The following ZNF20 variants were observed in gnomAD, a reference collection of about 807,000 sequenced individuals.
ZNF20 encodes zinc finger protein KOX13.
A neutral mutation model predicts 11.0 loss-of-function variants in ZNF20; 9 were observed. The observed-to-expected ratio is 0.82, with a 90% confidence interval of 0.49 to 1.43. The LOEUF is 1.43. ZNF20 is among the 40% of genes most tolerant of loss of function. ZNF20 has a pLI of 0.00. For synonymous variants in ZNF20, 182 were observed against 213.0 expected, an observed-to-expected ratio of 0.85 and a Z score of 1.27; for missense variants, 528 against 640.8, an observed-to-expected ratio of 0.82 and a Z score of 1.90.
chr19:12,135,359 C>T, intron 3 of ZNF20, 141 bp downstream of exon 3: 2 of 795,742 alleles, frequency 2.5e-6, no homozygotes, highest in Non-Finnish European at 4.1e-6. Context: ...CCGGGCTGGT[C>T]TCGAACTCCT....
Position 12,140,288 on chromosome 19 carries a change from G to GTC in ZNF20, c.-107_-106insGA. On this transcript the variant is annotated 5_prime_UTR_variant, in exon 1 of 4. It removes the in-frame stop codon of an upstream open reading frame in the 5' UTR. Coordinates refer to ENST00000334213, the MANE Select transcript of ZNF20 (RefSeq NM_021143.4). ...AGAAGTTGTGGCAGAGGGACCCGGG[G>GTC]CCTCTCGGAGTAGGAAATCTGGTAT... 7.0e-7 allele frequency: 1 copy of GTC among 1,436,436 alleles called. No homozygotes were observed. The highest frequency in any genetic ancestry group is 9.6e-7 in the Non-Finnish European group (1 of 1,041,468). 89.0% of individuals were successfully genotyped at this position (1,436,436 alleles called of 1,614,324 possible).
intron 1 of ZNF20, among the ~76,000 whole-genome samples, chr19:12,137,997 A>ACACCCT (rs1976739435): frequency 6.6e-6 from 1 of 152,134 alleles, no homozygotes; most frequent in Non-Finnish European, 1.5e-5. Flanking sequence ...ACCCTGCCTC[A>ACACCCT]GGCTATCCTC....
chr19:12,138,529 A>C (rs1277631320), intron 1 of ZNF20, among the ~76,000 whole-genome samples: 2 of 151,966 alleles, frequency 1.3e-5, no homozygotes, highest in East Asian at 3.9e-4. Context: ...AGAGGAACAG[A>C]GGTTTTTCAC....
Position 12,133,702 on chromosome 19 carries a change from CAT to C in ZNF20, c.482_483del (p.His161ArgfsTer2). On this transcript the variant is annotated frameshift_variant, in exon 4 of 4. Transcript: ENST00000334213. LOFTEE classifies it low-confidence loss of function (END_TRUNC). ...GGTTTCTCTTTAGTGCAAGCTTTAT[CAT>C]GTGATTGAAAGGAGTCAAGATAACT... The part of the protein sequence containing the change: ...AFSYLDSFQS[H>X]DKACTKEKPY... The C allele has an allele frequency of 1.2e-6, 2 of 1,614,168 alleles. No homozygotes were observed. Among genetic ancestry groups the C allele is most frequent in the Non-Finnish European group, 1.7e-6 (2 of 1,180,034 alleles).
chr19:12,134,460 T>C (rs1023700709), intron 3 of ZNF20, among the ~76,000 whole-genome samples: 3 of 152,158 alleles, frequency 2.0e-5, no homozygotes, highest in Admixed American at 6.5e-5. Context: ...CTGGCCAACA[T>C]GGCGAAACCC....
rs1462086907 is a variant in ZNF20, at chr19:12,132,984, C to T, written c.1202G>A (p.Gly401Glu). Residue 401 changes from glycine (G) to glutamate (E), a missense_variant, in exon 4 of 4, where the codon GGA becomes GAA. Transcript: ENST00000334213. ...GGAAGAAAAATACTTGAATACTTTT[C>T]CACATTCCTTACATTCATGGGGTTT... The part of the protein sequence containing the change: ...GEKPHECKEC[G>E]KVFKYFSSLR... The T allele has an allele frequency of 1.9e-6, 3 of 1,614,080 alleles. No homozygotes were observed. The highest frequency in any genetic ancestry group is 1.1e-5 in the South Asian group (1 of 91,082).
At chr19:12,134,562 G>A (rs938540138) in intron 3 of ZNF20, among the ~76,000 whole-genome samples, 2 of 152,122 alleles carry the variant, frequency 1.3e-5, no homozygotes, top group East Asian at 1.9e-4. Context: ...AGAATACCTC[G>A]AACCCAAGCA....
chr19:12,136,809 A>G (rs1317235325), intron 1 of ZNF20: 8 of 429,788 alleles, frequency 1.9e-5, no homozygotes, highest in South Asian at 1.2e-4. Flanking sequence ...ACCACGACAA[A>G]GCAGGTATCA....
In ZNF20 at chr19:12,135,791, G is replaced by A. The variant is rs1364838189; in HGVS notation, c.117C>T (p.Thr39=). The A allele has an allele frequency of 2.5e-6, 4 of 1,613,866 alleles. No individual in the cohort carries two copies. In the East Asian group the frequency reaches 8.9e-5, roughly 36 times the overall value. ...TACCTACAGAGGTCAGGTTCTTGAA[G>A]GTTTCCTGCATCACATCCCTGTAGA... is the stretch of plus-strand genomic sequence containing the variant. The part of the protein sequence containing the change: ...KNLYRDVMQE[T]FKNLTSVGKT... The change falls in exon 2 of 4, where the codon ACC becomes ACT. Residue 39 remains threonine, a synonymous_variant. Transcript: ENST00000334213.
Position 12,131,728 on chromosome 19 carries a change from AAAT to A in ZNF20, c.*856_*858del, listed in dbSNP as rs1293383156. 3.9e-5 allele frequency: 6 copies of A among 152,350 alleles called. No individual in the cohort carries two copies. The highest frequency in any genetic ancestry group is 2.0e-4 in the Admixed American group (3 of 15,300). The allele number at this position is 152,350 out of a possible 1,614,324, so 9.4% of individuals were successfully genotyped here. A position where few individuals can be genotyped will look rare whatever the true frequency, so the allele number is the denominator to read the frequency against. On this transcript the variant is annotated 3_prime_UTR_variant, in exon 4 of 4. Transcript: ENST00000334213. ...GTTGTAATGTAGCTTCTTCATTAAA[AAAT>A]AATAATTGTTAGTATGCAGTTGTTA...
At chr19:12,135,362 G>A (rs1220474714) in intron 3 of ZNF20, 138 bp downstream of exon 3, 19 of 821,072 alleles carry the variant, frequency 2.3e-5, no homozygotes, top group African/African-American at 1.4e-4. Flanking sequence ...GGCTGGTCTC[G>A]AACTCCTGAC....
Position 12,133,633 on chromosome 19 carries a change from A to G in ZNF20, c.553T>C (p.Cys185Arg), listed in dbSNP as rs367972135. Residue 185 changes from cysteine to arginine, a missense_variant, in exon 4 of 4, where the codon TGC becomes CGC. Coordinates refer to ENST00000334213, the MANE Select transcript of ZNF20 (RefSeq NM_021143.4). ...TGCATTACCCTGTGTCTTTGAATGC[A>G]TGAATGGGAAATGAAGGTTTCTGTA... is the stretch of plus-strand genomic sequence containing the variant. The part of the protein sequence containing the change: ...ECTETFISHS[C>R]IQRHRVMHSG... 1.2e-5 allele frequency: 20 copies of G among 1,614,130 alleles called. No homozygotes were observed. The Admixed American group carries it at 1.8e-4, about 15-fold the overall frequency.
At position 12,133,971 on chromosome 19, in the gene ZNF20, T is replaced by A; in HGVS notation, c.215A>T (p.Lys72Ile). ...PRRNLSLMRE[K>I]LCESKESHHC... is the part of the protein sequence containing the mutation. ...ATGACTTTCTTTACTTTCACAGAGT[T>A]TCTCTCTCATAAGACTTCAGTGAAA... The change falls in exon 4 of 4, where the codon AAA becomes ATA. Residue 72 changes from lysine (K) to isoleucine (I), a missense_variant. Physicochemically the swap from Lys to Ile is moderately radical, Grantham distance 102. Transcript: ENST00000334213. The A allele has an allele frequency of 6.2e-7, 1 of 1,607,174 alleles. No homozygotes were observed. The highest frequency in any genetic ancestry group is 8.5e-7 in the Non-Finnish European group (1 of 1,176,698).
Position 12,133,921 on chromosome 19 carries a change from T to C in ZNF20, c.265A>G (p.Ile89Val). Reference protein sequence around the residue: ...SHHCGESFNQIADDMLNRKTL... With the variant: ...SHHCGESFNQVADDMLNRKTL... ...TTCCTGTTCAGCATGTCATCTGCAA[T>C]CTGGTTGAAGCTTTCTCCACAGTGA... is the stretch of plus-strand genomic sequence containing the variant. The change falls in exon 4 of 4, where the codon ATT becomes GTT. Residue 89 changes from isoleucine to valine, a missense_variant. Ile to Val is a conservative substitution (Grantham distance 29). Transcript: ENST00000334213. 1 of 1,614,072 alleles carries C rather than the reference T, an allele frequency of 6.2e-7. No individual in the cohort carries two copies. Among genetic ancestry groups the C allele is most frequent in the Non-Finnish European group, 8.5e-7 (1 of 1,179,960 alleles).
intron 1 of ZNF20, chr19:12,137,673 G>A (rs73002441): frequency 0.18 from 26,970 of 152,818 alleles, 2,821 homozygotes; most frequent in African/African-American, 0.28. Context: ...GGTTGAATGT[G>A]CATCCTGGAT....
chr19:12,138,807 GA>G (rs750498340), intron 1 of ZNF20, among the ~76,000 whole-genome samples: 45 of 152,040 alleles, frequency 3.0e-4, no homozygotes, highest in Middle Eastern at 3.4e-3. Flanking sequence ...CAACAAGAGC[GA>G]AACTCCGTCT....
At position 12,132,667 on chromosome 19, in the gene ZNF20, G is replaced by T; in HGVS notation, c.1519C>A (p.Gln507Lys). The T allele has an allele frequency of 6.2e-7, 1 of 1,613,946 alleles. No homozygotes were observed. Residue 507 changes from glutamine (Q) to lysine (K), a missense_variant, in exon 4 of 4, where the codon CAA becomes AAA. Transcript: ENST00000334213. ...AAGGCTTTGCCACATTGCTTGCATT[G>T]ATAGGGTTTCTCTCCAGTGTGAGTC... ...ERTHTGEKPYQCKQCGKAFIR... is the reference protein window; with the variant it reads ...ERTHTGEKPYKCKQCGKAFIR...
chr19:12,138,959 A>G (rs928927269), intron 1 of ZNF20, among the ~76,000 whole-genome samples: 6 of 152,238 alleles, frequency 3.9e-5, no homozygotes, highest in African/African-American at 1.4e-4. Context: ...GGAGGATTTG[A>G]GACCCATACA....
Position 12,132,550 on chromosome 19 carries a change from A to C in ZNF20, c.*37T>G, listed in dbSNP as rs1262108307. The C allele has an allele frequency of 5.2e-6, 8 of 1,527,924 alleles. No individual in the cohort carries two copies. Among genetic ancestry groups the C allele is most frequent in the Admixed American group, 2.2e-5 (1 of 45,718 alleles). 94.6% of individuals were successfully genotyped at this position (1,527,924 alleles called of 1,614,324 possible). On this transcript the variant is annotated 3_prime_UTR_variant, in exon 4 of 4. Transcript: ENST00000334213. Reference sequence around the variant, plus strand: ...TGTGTTTCAAAGGAAGTGGGACAACAGAAAGCTTCTCCCGTTGCTTCCACT... The same window carrying C: ...TGTGTTTCAAAGGAAGTGGGACAACCGAAAGCTTCTCCCGTTGCTTCCACT...
Sources: allele counts gnomAD v4.1 joint callset (sites outside exome capture counted in the v4.1 genomes callset), GRCh38; gene constraint gnomAD v4.1.1; transcripts MANE v1.5; gene names NCBI Gene and HGNC (gene_info 2026-07-23, HGNC 2026-07-21).